MAGI1: variants seen among roughly 807,000 people sequenced by gnomAD.
MAGI1 encodes the protein membrane-associated guanylate kinase, WW and PDZ domain-containing protein 1.
A neutral mutation model predicts 139.9 loss-of-function variants in MAGI1; 58 were observed. The ratio of observed to expected loss-of-function variants is 0.41; its 90% CI spans 0.34 to 0.52. The LOEUF is 0.52. Ranked by LOEUF, MAGI1 falls within the 20% of genes least tolerant of loss-of-function variation. The pLI is 0.12. For missense variants in MAGI1, 1,874 were observed against 1,901.6 expected (o/e 0.99, Z 0.27); for synonymous variants, 812 against 737.9 (o/e 1.10, Z -1.63).
chr3:65,927,171 T>C (rs2062569936), intron 1 of MAGI1, among the ~76,000 whole-genome samples: 1 of 152,198 alleles, frequency 6.6e-6, no homozygotes, highest in South Asian at 2.1e-4. Flanking sequence ...ATTCTTTTAT[T>C]TCTTTACTTT....
chr3:65,907,426 T>C (rs893411532), intron 1 of MAGI1, among the ~76,000 whole-genome samples: 2 of 152,124 alleles, frequency 1.3e-5, no homozygotes, highest in African/African-American at 2.4e-5. Context: ...GTCAAATCCT[T>C]TGAAAGTCAC....
chr3:65,748,906 C>T (rs180812644), intron 1 of MAGI1, among the ~76,000 whole-genome samples: 4 of 152,174 alleles, frequency 2.6e-5, no homozygotes, highest in Admixed American at 2.0e-4. Context: ...ACACAGGATC[C>T]CAAAGCAGCC....
intron 1 of MAGI1, among the ~76,000 whole-genome samples, chr3:65,770,930 A>T (rs2037900437): frequency 6.6e-6 from 1 of 151,876 alleles, no homozygotes. Flanking sequence ...TAACCTCGTG[A>T]TCCACCCACC....
intron 1 of MAGI1, among the ~76,000 whole-genome samples, chr3:65,792,771 C>T (rs1161634549): frequency 1.3e-5 from 2 of 152,024 alleles, no homozygotes; most frequent in African/African-American, 4.8e-5. Flanking sequence ...GAACCACATG[C>T]AGTTTAAAAC....
At chr3:66,018,698 T>G (rs1195784093) in intron 1 of MAGI1, among the ~76,000 whole-genome samples, 2 of 152,244 alleles carry the variant, frequency 1.3e-5, no homozygotes, top group Non-Finnish European at 2.9e-5. Context: ...TGCAGCCTTC[T>G]GCATTCTGAG....
intron 1 of MAGI1, among the ~76,000 whole-genome samples, chr3:65,889,562 C>A (rs1264056506): frequency 6.6e-6 from 1 of 152,150 alleles, no homozygotes. Context: ...ATCTGTGAGG[C>A]AGGGGAGAAA....
At chr3:65,898,715 T>C (rs1464275288) in intron 1 of MAGI1, among the ~76,000 whole-genome samples, 2 of 152,110 alleles carry the variant, frequency 1.3e-5, no homozygotes, top group African/African-American at 4.8e-5. Flanking sequence ...TAATAATATA[T>C]TGTATAGTTT....
In MAGI1 at chr3:65,971,589, A is replaced by C. The variant is rs72908964; in HGVS notation, c.313+66407T>G. Among the ~76,000 whole-genome samples the C allele has an allele frequency of 5.7e-3, 867 of 152,314 alleles. 7 individuals carry two copies. The highest frequency in any genetic ancestry group is 0.02 in the African/African-American group (828 of 41,574). Reference sequence around the variant, plus strand: ...AATAAAATCTACATCCAAGTCAAGCACATGTTTTCACGCAATTCAAAGAAA... The same window carrying C: ...AATAAAATCTACATCCAAGTCAAGCCCATGTTTTCACGCAATTCAAAGAAA... On this transcript the variant is annotated intron_variant, in intron 1 of 22. Coordinates refer to ENST00000402939, the MANE Select transcript of MAGI1 (RefSeq NM_001033057.2).
intron 1 of MAGI1, among the ~76,000 whole-genome samples, chr3:65,731,664 A>C (rs74680694): frequency 2.0e-5 from 1 of 49,424 alleles, no homozygotes; most frequent in Non-Finnish European, 4.6e-5. Flanking sequence ...CAAAAAATTT[A>C]AAAAAAAAAA....
At chr3:65,905,821 T>C (rs1456393201) in intron 1 of MAGI1, among the ~76,000 whole-genome samples, 1 of 152,208 alleles carries the variant, frequency 6.6e-6, no homozygotes, top group Non-Finnish European at 1.5e-5. Context: ...ACTCAAATTA[T>C]ACTACACAGT....
In MAGI1 at chr3:65,657,433, C is replaced by CAA. The variant is rs34377694; in HGVS notation, c.314-35347_314-35346dup. Among the ~76,000 whole-genome samples, 264 of 134,894 alleles carry CAA rather than the reference C, an allele frequency of 2.0e-3. 1 individual carries two copies. Among genetic ancestry groups the CAA allele is most frequent in the East Asian group, 5.7e-3 (27 of 4,774 alleles). 88.5% of individuals were successfully genotyped at this position (134,894 alleles called of 152,430 possible). On this transcript the variant is annotated intron_variant, in intron 1 of 22. Transcript: ENST00000402939. ...AAAACAGTGAGACCCCCATCTCTAT[C>CAA]AAAAAAAAAAAAAAAACACATAAAT...
intron 1 of MAGI1, among the ~76,000 whole-genome samples, chr3:65,641,662 T>C (rs2084991046): frequency 6.6e-6 from 1 of 151,992 alleles, no homozygotes; most frequent in African/African-American, 2.4e-5. Flanking sequence ...AGAACATCAA[T>C]GAGATAAGGA....
intron 1 of MAGI1, among the ~76,000 whole-genome samples, chr3:65,714,126 C>A (rs2031887624): frequency 6.6e-6 from 1 of 152,128 alleles, no homozygotes; most frequent in Non-Finnish European, 1.5e-5. Context: ...TTAAAATTAA[C>A]CCATGTAAAG....
intron 2 of MAGI1, among the ~76,000 whole-genome samples, chr3:65,507,101 G>C (rs1364248195): frequency 6.6e-6 from 1 of 152,014 alleles, no homozygotes; most frequent in Non-Finnish European, 1.5e-5. Flanking sequence ...AGAAGAATTG[G>C]GTACAATACT....
intron 6 of MAGI1, chr3:65,448,276 C>T: frequency 1.7e-6 from 1 of 595,668 alleles, no homozygotes; most frequent in Non-Finnish European, 3.0e-6. Flanking sequence ...AAAATAATTA[C>T]ATGGCTCATT....
chr3:65,885,677 C>A (rs2060502052), intron 1 of MAGI1, among the ~76,000 whole-genome samples: 3 of 152,162 alleles, frequency 2.0e-5, no homozygotes, highest in Admixed American at 1.3e-4. Context: ...CCTGCACACG[C>A]TCTCTTGCCT....
chr3:65,627,609 G>A (rs952815642), intron 1 of MAGI1, among the ~76,000 whole-genome samples: 7 of 133,620 alleles, frequency 5.2e-5, no homozygotes, highest in East Asian at 5.1e-4. Flanking sequence ...CCGGGTTCAC[G>A]CCATCCTCCT....
At chr3:65,812,660 T>TA (rs2041341285) in intron 1 of MAGI1, among the ~76,000 whole-genome samples, 1 of 150,168 alleles carries the variant, frequency 6.7e-6, no homozygotes, top group Non-Finnish European at 1.5e-5. Flanking sequence ...TAGACCACAT[T>TA]AAATCAATGA....
chr3:65,401,368 A>ACCCAGCCC, intron 13 of MAGI1, 71 bp downstream of exon 13: 3 of 1,323,564 alleles, frequency 2.3e-6, no homozygotes, highest in Non-Finnish European at 1.1e-6. Flanking sequence ...CACACAGAGT[A>ACCCAGCCC]CCCTCCCACC....
Sources: gnomAD v4.1 joint callset for allele counts (sites outside exome capture counted in the v4.1 genomes callset) on GRCh38, gnomAD v4.1.1 for gene constraint, MANE v1.5 for transcripts, NCBI Gene and HGNC (gene_info 2026-07-23, HGNC 2026-07-21) for gene names.